The following GRID2 variants were observed in gnomAD, a reference collection of about 807,000 sequenced individuals.
The protein encoded by GRID2 is glutamate ionotropic receptor delta type subunit 2, also known as glutamate receptor ionotropic, delta-2.
A neutral mutation model predicts 114.8 loss-of-function variants in GRID2; 33 were observed. The ratio of observed to expected loss-of-function variants is 0.29; its 90% CI spans 0.22 to 0.38. GRID2 has a LOEUF of 0.38. Ranked by LOEUF, GRID2 falls within the 10% of genes least tolerant of loss-of-function variation. GRID2 has a pLI of 1.00. For missense variants in GRID2, 1,184 were observed against 1,257.7 expected, an observed-to-expected ratio of 0.94 and a Z score of 0.89; for synonymous variants, 505 against 449.9, an observed-to-expected ratio of 1.12 and a Z score of -1.55.
At chr4:93,769,188 T>C (rs768537608) in intron 14 of GRID2, 22 bp from the exon 15 acceptor site, 14 of 1,612,524 alleles carry the variant, frequency 8.7e-6, no homozygotes, top group Non-Finnish European at 1.1e-5. Context: ...TAATAACACA[T>C]GCTTATGTTC....
chr4:93,487,177 G>A (rs1055207814), intron 11 of GRID2, among the ~76,000 whole-genome samples: 3 of 151,492 alleles, frequency 2.0e-5, no homozygotes, highest in Non-Finnish European at 4.4e-5. Context: ...TTACATTTTT[G>A]TGTCTTCACT....
intron 1 of GRID2, among the ~76,000 whole-genome samples, chr4:92,474,884 T>A (rs1354926719): frequency 6.8e-6 from 1 of 148,100 alleles, no homozygotes; most frequent in African/African-American, 2.5e-5. Flanking sequence ...GATATTAACC[T>A]CTTATCAAGT....
chr4:93,170,722 A>C (rs1275094803), intron 4 of GRID2, among the ~76,000 whole-genome samples: 1 of 152,068 alleles, frequency 6.6e-6, no homozygotes, highest in Non-Finnish European at 1.5e-5. Flanking sequence ...TTTCCAGCAT[A>C]CACTTCTCCT....
downstream of GRID2, among the ~76,000 whole-genome samples, chr4:93,778,517 C>G (rs183638430): frequency 4.7e-4 from 71 of 151,790 alleles, 2 homozygotes; most frequent in East Asian, 0.013. Flanking sequence ...GTGCCTCAGC[C>G]TCCCAAGTAG....
At chr4:92,983,711 A>C (rs188372256) in intron 2 of GRID2, among the ~76,000 whole-genome samples, 284 of 152,172 alleles carry the variant, frequency 1.9e-3, no homozygotes, top group Non-Finnish European at 3.7e-3. Context: ...TACATAGATA[A>C]ATTAAGTAGA....
At chr4:93,224,546 A>AT (rs1356258202) in intron 6 of GRID2, 68 bp from the exon 7 acceptor site, 41 of 1,011,246 alleles carry the variant, frequency 4.1e-5, no homozygotes, top group East Asian at 4.8e-5. Context: ...TGAGACAATT[A>AT]TTTTTTTTCC....
At chr4:92,876,251 T>TA (rs942008035) in intron 2 of GRID2, among the ~76,000 whole-genome samples, 1 of 151,112 alleles carries the variant, frequency 6.6e-6, no homozygotes, top group African/African-American at 2.4e-5. Context: ...ATTATGAAAT[T>TA]AAAAAAACCC....
chr4:93,508,073 A>G (rs4693326), intron 12 of GRID2, among the ~76,000 whole-genome samples: 126,972 of 152,058 alleles, frequency 0.84, 53,603 homozygotes, highest in African/African-American at 0.96. Flanking sequence ...CGAGTTAATG[A>G]GTGCAGCACA....
chr4:92,989,483 G>T (rs1383490998), intron 2 of GRID2, among the ~76,000 whole-genome samples: 1 of 151,480 alleles, frequency 6.6e-6, no homozygotes, highest in Non-Finnish European at 1.5e-5. Flanking sequence ...CACCGAGATG[G>T]CTTATCATAT....
chr4:93,061,231 T>C (rs1290338400), intron 2 of GRID2, among the ~76,000 whole-genome samples: 1 of 149,506 alleles, frequency 6.7e-6, no homozygotes, highest in Non-Finnish European at 1.5e-5. Context: ...ACAAATACCT[T>C]GAAATTTCAG....
At chr4:93,717,609 G>A (rs557540473) in intron 14 of GRID2, among the ~76,000 whole-genome samples, 1 of 151,918 alleles carries the variant, frequency 6.6e-6, no homozygotes, top group African/African-American at 2.4e-5. Flanking sequence ...TTTCTTTTTT[G>A]TGTGTATTTT....
intron 13 of GRID2, among the ~76,000 whole-genome samples, chr4:93,561,033 G>A (rs1401001155): frequency 6.6e-6 from 1 of 151,936 alleles, no homozygotes; most frequent in Non-Finnish European, 1.5e-5. Context: ...TTTTCTCTGA[G>A]CATTTAAATA....
intron 1 of GRID2, among the ~76,000 whole-genome samples, chr4:93,796,328 T>C (rs1482052662): frequency 2.0e-5 from 3 of 152,166 alleles, no homozygotes; most frequent in Non-Finnish European, 4.4e-5. Context: ...AAAACTCATA[T>C]AGCACAGGGG....
At chr4:93,536,756 C>T (rs1401320176) in intron 13 of GRID2, among the ~76,000 whole-genome samples, 1 of 150,688 alleles carries the variant, frequency 6.6e-6, no homozygotes, top group Admixed American at 6.6e-5. Flanking sequence ...GAAAAAGAGA[C>T]CACACAATGA....
At chr4:92,654,761 A>G (rs1234216501) in intron 2 of GRID2, among the ~76,000 whole-genome samples, 1 of 151,892 alleles carries the variant, frequency 6.6e-6, no homozygotes, top group African/African-American at 2.4e-5. Context: ...TTAAAAAAAA[A>G]TTGTTGAAGT....
At chr4:93,647,460 T>A (rs1350792841) in intron 14 of GRID2, among the ~76,000 whole-genome samples, 2 of 152,198 alleles carry the variant, frequency 1.3e-5, no homozygotes, top group Non-Finnish European at 2.9e-5. Flanking sequence ...GACAAAACTG[T>A]CCTCAGGCAG....
intron 2 of GRID2, among the ~76,000 whole-genome samples, chr4:92,644,888 A>G (rs1387690248): frequency 1.3e-5 from 2 of 151,246 alleles, no homozygotes; most frequent in Admixed American, 6.6e-5. Context: ...TGCAACAGAT[A>G]TGTTATGTAA....
chr4:93,121,727 C>T (rs114402651), intron 4 of GRID2, among the ~76,000 whole-genome samples: 2,154 of 152,246 alleles, frequency 0.014, 43 homozygotes, highest in African/African-American at 0.048. Flanking sequence ...GCCAGTTTCC[C>T]AAAGTGTTTA....
At chr4:92,610,854 G>T (rs922287285) in intron 2 of GRID2, among the ~76,000 whole-genome samples, 1 of 151,688 alleles carries the variant, frequency 6.6e-6, no homozygotes, top group South Asian at 2.1e-4. Context: ...ATGAGTTTTT[G>T]ATGTTTATCT....
Sources: allele counts gnomAD v4.1 joint callset (sites outside exome capture counted in the v4.1 genomes callset), GRCh38; gene constraint gnomAD v4.1.1; transcripts MANE v1.5; gene names NCBI Gene and HGNC (gene_info 2026-07-23, HGNC 2026-07-21).